The following CSNK1G1 variants were observed in gnomAD, a reference collection of about 807,000 sequenced individuals.
CSNK1G1 encodes casein kinase I isoform gamma-1.
In CSNK1G1, 22 loss-of-function variants were observed where a neutral mutation model predicts 59.6. That is an observed-to-expected ratio of 0.37 (90% CI 0.26 to 0.53). The LOEUF (loss-of-function observed/expected upper bound fraction) is 0.53, where lower values mean the gene tolerates loss of function less well. Ranked by LOEUF, CSNK1G1 falls within the 20% of genes least tolerant of loss-of-function variation. The probability of loss-of-function intolerance (pLI) is 0.89; values close to 1 mark genes in which losing one functional copy is unlikely to be tolerated. For synonymous variants in CSNK1G1, 179 were observed against 177.1 expected, an observed-to-expected ratio of 1.01 and a Z score of -0.08; for missense variants, 384 against 519.5, an observed-to-expected ratio of 0.74 and a Z score of 2.54.
chr15:64,176,133 T>G lies in CSNK1G1; in HGVS notation c.1215-4148A>C, dbSNP rs2081738932. 3 of 397,464 alleles carry G rather than the reference T, an allele frequency of 7.5e-6. No individual in the cohort carries two copies. The highest frequency in any genetic ancestry group is 1.3e-5 in the Non-Finnish European group (3 of 225,744). The allele number at this position is 397,464 out of a possible 1,614,324, so 24.6% of individuals were successfully genotyped here. A position where few individuals can be genotyped will look rare whatever the true frequency, so the allele number is the denominator to read the frequency against. On this transcript the variant is annotated intron_variant, in intron 11 of 11. Coordinates refer to ENST00000303052, the MANE Select transcript of CSNK1G1 (RefSeq NM_022048.5). This position sits in a 1 kb window ranked among gnomAD's most constrained non-coding sequence, Gnocchi z 5.2. ...CCACCTTATGGATCTAGATCCCCAG[T>G]CAGGGTGGTTATGGCACAAGGAGTC... is the stretch of plus-strand genomic sequence containing the variant.
chr15:64,299,266 AT>A (rs1225337431), intron 2 of CSNK1G1, among the ~76,000 whole-genome samples: 1 of 152,012 alleles, frequency 6.6e-6, no homozygotes, highest in Non-Finnish European at 1.5e-5. Flanking sequence ...TATTTTCTCT[AT>A]CCCACTCATC....
chr15:64,304,907 T>C lies in CSNK1G1; in HGVS notation c.-224-4184A>G, dbSNP rs188554870. ...ACTCAAAAGCAAACCAGGCTCTTTC[T>C]GATCTACTACTTCTTCATCCACCAC... On this transcript the variant is annotated intron_variant, in intron 1 of 11. Coordinates refer to ENST00000303052, the MANE Select transcript of CSNK1G1 (RefSeq NM_022048.5). 3.3e-5 allele frequency among the ~76,000 whole-genome samples: 5 copies of C among 152,312 alleles called. No homozygotes were observed. The East Asian group carries it at 9.6e-4, about 29-fold the overall frequency.
intron 4 of CSNK1G1, among the ~76,000 whole-genome samples, chr15:64,227,467 CACAA>C (rs2082478013): frequency 1.3e-5 from 2 of 152,178 alleles, no homozygotes; most frequent in South Asian, 2.1e-4. Context: ...GAAAACTACA[CACAA>C]ACAAATGTCT....
At chr15:64,284,464 C>T (rs899686325) in intron 2 of CSNK1G1, among the ~76,000 whole-genome samples, 1 of 152,044 alleles carries the variant, frequency 6.6e-6, no homozygotes, top group East Asian at 1.9e-4. Context: ...AATGTCTTAC[C>T]ATGTAGTTAG....
intron 1 of CSNK1G1, among the ~76,000 whole-genome samples, chr15:64,319,724 G>A (rs1896459510): frequency 6.6e-6 from 1 of 151,620 alleles, no homozygotes; most frequent in Non-Finnish European, 1.5e-5. Flanking sequence ...TTGTGTGTGT[G>A]TGTTTTAGTA....
chr15:64,289,305 A>T (rs1894606351), intron 2 of CSNK1G1, among the ~76,000 whole-genome samples: 1 of 152,182 alleles, frequency 6.6e-6, no homozygotes, highest in South Asian at 2.1e-4. Flanking sequence ...TGACACTTCT[A>T]AAATTACCAT....
intron 2 of CSNK1G1, among the ~76,000 whole-genome samples, chr15:64,260,539 A>C (rs1402940138): frequency 1.3e-5 from 2 of 152,052 alleles, no homozygotes; most frequent in Admixed American, 6.6e-5. Flanking sequence ...GGAGTTCAAG[A>C]CCAGCCTGGC....
chr15:64,355,761 C>T (rs1272555955), intron 1 of CSNK1G1, among the ~76,000 whole-genome samples: 1 of 152,178 alleles, frequency 6.6e-6, no homozygotes, highest in Non-Finnish European at 1.5e-5. Context: ...GGCGCCTCCT[C>T]CGCCTACCTC....
chr15:64,260,715 G>A (rs1241932234), intron 2 of CSNK1G1, among the ~76,000 whole-genome samples: 1 of 152,028 alleles, frequency 6.6e-6, no homozygotes, highest in Admixed American at 6.6e-5. Context: ...TCCAGCCTGG[G>A]CAACAGAGTG....
chr15:64,199,317 T>G (rs190409370), intron 10 of CSNK1G1, among the ~76,000 whole-genome samples: 1 of 138,156 alleles, frequency 7.2e-6, no homozygotes, highest in Admixed American at 7.1e-5. Context: ...CAAAGAGAGA[T>G]ATTCAAGATT....
intron 4 of CSNK1G1, among the ~76,000 whole-genome samples, chr15:64,220,873 A>G (rs897181047): frequency 6.6e-6 from 1 of 152,160 alleles, no homozygotes; most frequent in African/African-American, 2.4e-5. Context: ...ATAATTCTAA[A>G]AAAATTCTTT....
intron 4 of CSNK1G1, among the ~76,000 whole-genome samples, chr15:64,218,505 G>A (rs908014998): frequency 4.0e-5 from 6 of 150,998 alleles, no homozygotes; most frequent in Admixed American, 4.0e-4. Context: ...CAATTCTTGC[G>A]CCTCAGCCTC....
At chr15:64,181,945 T>C (rs974639763) in intron 10 of CSNK1G1, 2 of 153,690 alleles carry the variant, frequency 1.3e-5, no homozygotes, top group Admixed American at 6.4e-5. Context: ...GGAGGAAATA[T>C]ATAGTACACG....
chr15:64,180,321 A>C, intron 11 of CSNK1G1, 27 bp downstream of exon 11: 1 of 1,556,318 alleles, frequency 6.4e-7, no homozygotes, highest in Non-Finnish European at 8.9e-7. Context: ...CCCATGACTT[A>C]AGAGCCCCCT....
chr15:64,329,250 C>A (rs1033441643), intron 1 of CSNK1G1, among the ~76,000 whole-genome samples: 1 of 151,794 alleles, frequency 6.6e-6, no homozygotes. Context: ...CACACCTATT[C>A]CAAAATTGAC....
intron 2 of CSNK1G1, among the ~76,000 whole-genome samples, 194 bp downstream of exon 2, chr15:64,300,125 C>G (rs757968443): frequency 6.6e-6 from 1 of 152,156 alleles, no homozygotes. Flanking sequence ...ATCGCACACA[C>G]ATAAAGAGAG....
intron 10 of CSNK1G1, chr15:64,189,498 G>A: frequency 8.2e-7 from 1 of 1,220,254 alleles, no homozygotes; most frequent in South Asian, 1.5e-5. Flanking sequence ...AATGAAAAAT[G>A]AGTAGTTGGA....
intron 2 of CSNK1G1, among the ~76,000 whole-genome samples, chr15:64,278,381 T>TGC (rs1893891026): frequency 9.8e-6 from 1 of 101,622 alleles, no homozygotes; most frequent in East Asian, 2.4e-4. Flanking sequence ...TATGTGCGTG[T>TGC]GTGTGTGTGT....
At chr15:64,294,161 C>T (rs142010898) in intron 2 of CSNK1G1, among the ~76,000 whole-genome samples, 3 of 152,328 alleles carry the variant, frequency 2.0e-5, no homozygotes, top group East Asian at 3.9e-4. Context: ...CAACCTCCAT[C>T]TCCCAGGTTC....
Sources: allele counts gnomAD v4.1 joint callset (sites outside exome capture counted in the v4.1 genomes callset), GRCh38; gene constraint gnomAD v4.1.1; non-coding constraint Gnocchi (gnomAD v3.1); transcripts MANE v1.5; gene names NCBI Gene and HGNC (gene_info 2026-07-23, HGNC 2026-07-21).